Variants in MMD2 observed in about 807,000 individuals in gnomAD.
MMD2 encodes the protein monocyte to macrophage differentiation associated 2.
A neutral mutation model predicts 33.5 loss-of-function variants in MMD2; 30 were observed. That is an observed-to-expected ratio of 0.90 (90% CI 0.67 to 1.22). The LOEUF (loss-of-function observed/expected upper bound fraction) is 1.22. Ranked by LOEUF, MMD2 falls within the 50% of genes most tolerant of loss-of-function variation. MMD2 has a pLI of 0.00. For missense variants in MMD2, 364 were observed against 325.4 expected, an observed-to-expected ratio of 1.12 and a Z score of -0.91; for synonymous variants, 129 against 123.0, an observed-to-expected ratio of 1.05 and a Z score of -0.32.
chr7:4,904,581 T>C (rs1297206389), downstream of MMD2, among the ~76,000 whole-genome samples: 1 of 152,192 alleles, frequency 6.6e-6, no homozygotes, highest in East Asian at 1.9e-4. Flanking sequence ...TGAAATCATG[T>C]GATCTTTAGG....
At chr7:4,930,271 C>CAAAA (rs770469673) in intron 1 of MMD2, among the ~76,000 whole-genome samples, 4 of 47,170 alleles carry the variant, frequency 8.5e-5, no homozygotes, top group African/African-American at 3.3e-4. Context: ...GACTCCATCT[C>CAAAA]AAAAAAAAAA....
chr7:4,913,031 T>A (rs948047088), intron 4 of MMD2, among the ~76,000 whole-genome samples: 10 of 152,148 alleles, frequency 6.6e-5, no homozygotes, highest in Non-Finnish European at 1.2e-4. Flanking sequence ...TGAGAATGTG[T>A]TATGTAAAAC....
the MMD2 span, among the ~76,000 whole-genome samples, chr7:4,898,161 A>G: frequency 6.6e-6 from 1 of 152,192 alleles, no homozygotes; most frequent in Non-Finnish European, 1.5e-5. Flanking sequence ...GGGCCATCAC[A>G]AAGACAAGAG....
At chr7:4,945,249 T>TTCTTCTTCTTCTTCTTC (rs1491219177) in intron 1 of MMD2, among the ~76,000 whole-genome samples, 4 of 144,198 alleles carry the variant, frequency 2.8e-5, no homozygotes, top group Non-Finnish European at 4.6e-5. Flanking sequence ...CCTCTCTCTC[T>TTCTTCTTCTTCTTCTTC]TTCTTTCCCT....
chr7:4,930,774 G>A (rs951328635), intron 1 of MMD2, among the ~76,000 whole-genome samples: 11 of 152,164 alleles, frequency 7.2e-5, no homozygotes, highest in Admixed American at 2.6e-4. Context: ...TTTGTAAGCC[G>A]CTGCTGTGTC....
intron 2 of MMD2, among the ~76,000 whole-genome samples, chr7:4,921,080 G>C (rs2115104682): frequency 6.6e-6 from 1 of 152,282 alleles, no homozygotes; most frequent in East Asian, 1.9e-4. Flanking sequence ...TGCAGGTCTA[G>C]ATCTTTGATT....
intron 1 of MMD2, among the ~76,000 whole-genome samples, chr7:4,944,481 C>T (rs2115146766): frequency 6.6e-6 from 1 of 152,252 alleles, no homozygotes; most frequent in South Asian, 2.1e-4. Context: ...GGAGCAGGCT[C>T]CGGAGTGGCC....
chr7:4,905,902 A>C (rs2115080141), downstream of MMD2: 1 of 152,980 alleles, frequency 6.5e-6, no homozygotes, highest in South Asian at 2.1e-4. The surrounding 1 kb of genome is among the most constrained non-coding windows in gnomAD (Gnocchi z 5.0). Flanking sequence ...ATATACACAC[A>C]CACACACGCA....
chr7:4,906,303 T>A lies in MMD2; in HGVS notation c.*1093A>T. 2.5e-6 allele frequency: 1 copy of A among 393,452 alleles called. No individual in the cohort carries two copies. The allele number at this position is 393,452 out of a possible 1,614,324, so 24.4% of individuals were successfully genotyped here. ...GCTGAAGAACAGGCCCCCAGCAGCC[T>A]TGTTGTTGGGCTACTGAGCACTTCA... On this transcript the variant is annotated 3_prime_UTR_variant, in exon 7 of 7. Coordinates refer to ENST00000401401, the MANE Select transcript of MMD2 (RefSeq NM_198403.4).
In MMD2 at chr7:4,946,859, C is replaced by T. The variant is rs1786100032; in HGVS notation, c.47+12112G>A. On this transcript the variant is annotated intron_variant, in intron 1 of 6. Transcript: ENST00000401401. This position sits in a 1 kb window ranked among gnomAD's most constrained non-coding sequence, Gnocchi z 5.0. ...GGATCCTCCCCAGTAGCTGGGACTA[C>T]AGGCTTGTGCCACACTACTAGAAAG... Among the ~76,000 whole-genome samples, 2 of 152,130 alleles carry T rather than the reference C, an allele frequency of 1.3e-5. No individual in the cohort carries two copies. Among genetic ancestry groups the T allele is most frequent in the South Asian group, 4.1e-4 (2 of 4,828 alleles).
intron 1 of MMD2, among the ~76,000 whole-genome samples, chr7:4,937,998 C>CTTTTTTTT (rs1785791916): frequency 1.3e-4 from 8 of 62,714 alleles, no homozygotes; most frequent in African/African-American, 2.9e-4. Flanking sequence ...TTTTTTCTTT[C>CTTTTTTTT]TTTCTTTTTT....
In MMD2 at chr7:4,907,460, T is replaced by C. The variant is rs1433678402; in HGVS notation, c.677A>G (p.His226Arg). 1 of 1,613,878 alleles carries C rather than the reference T, an allele frequency of 6.2e-7. No individual in the cohort carries two copies. The highest frequency in any genetic ancestry group is 1.3e-5 in the African/African-American group (1 of 74,942). Reference sequence around the variant, plus strand: ...GAGGTACCTCCAGATGGCATAGTAGTGGGTACCAGCACCAAATGCTACAAA... The same window carrying C: ...GAGGTACCTCCAGATGGCATAGTAGCGGGTACCAGCACCAAATGCTACAAA... Reference protein sequence around the residue: ...HLFVAFGAGTHYYAIWRYLYL... With the variant: ...HLFVAFGAGTRYYAIWRYLYL... Residue 226 changes from histidine to arginine, a missense_variant, in exon 7 of 7, where the codon CAC becomes CGC. Physicochemically the swap from His to Arg is conservative, Grantham distance 29. Coordinates refer to ENST00000401401, the MANE Select transcript of MMD2 (RefSeq NM_198403.4).
chr7:4,918,479 CTTTCTTTT>C (rs981025594), intron 3 of MMD2, among the ~76,000 whole-genome samples: 7 of 132,868 alleles, frequency 5.3e-5, no homozygotes, highest in African/African-American at 2.3e-4. Flanking sequence ...TCTTTTCTTT[CTTTCTTTT>C]TTTTTTTTTT....
chr7:4,954,773 C>T (rs564783488), intron 1 of MMD2, among the ~76,000 whole-genome samples: 1 of 152,078 alleles, frequency 6.6e-6, no homozygotes, highest in Non-Finnish European at 1.5e-5. Context: ...ATGATTTGTA[C>T]TTTATGTGCC....
the MMD2 span, among the ~76,000 whole-genome samples, chr7:4,892,661 G>T: frequency 6.6e-6 from 1 of 151,780 alleles, no homozygotes; most frequent in Non-Finnish European, 1.5e-5. Context: ...AGCAGGACAG[G>T]TAGAACATAC....
chr7:4,907,412 G>A lies in MMD2; in HGVS notation c.725C>T (p.Thr242Ile). Residue 242 changes from threonine to isoleucine, a missense_variant, in exon 7 of 7, where the codon ACC becomes ATC. Physicochemically the swap from Thr to Ile is moderately conservative, Grantham distance 89. Transcript: ENST00000401401. ...RYLYLPSTLQTKVSK is the reference protein window; with the variant it reads ...RYLYLPSTLQIKVSK ...TGGGTCACCTCATTTGGACACCTTGGTCTGCAGGGTGCTGGGCAGATAGAG... is the reference window on the plus strand; with the variant it reads ...TGGGTCACCTCATTTGGACACCTTGATCTGCAGGGTGCTGGGCAGATAGAG... 6.2e-7 allele frequency: 1 copy of A among 1,613,828 alleles called. No homozygotes were observed. The highest frequency in any genetic ancestry group is 8.5e-7 in the Non-Finnish European group (1 of 1,179,898).
intron 4 of MMD2, among the ~76,000 whole-genome samples, chr7:4,912,280 C>T (rs112365216): frequency 2.6e-5 from 4 of 151,744 alleles, no homozygotes; most frequent in Non-Finnish European, 4.4e-5. Flanking sequence ...AACTGTTGGC[C>T]GGGCGCGGTG....
At chr7:4,895,147 G>C in the MMD2 span, among the ~76,000 whole-genome samples, 1 of 149,508 alleles carries the variant, frequency 6.7e-6, no homozygotes, top group African/African-American at 2.5e-5. Flanking sequence ...GCCCAATCTC[G>C]GCTCACTGCA....
rs1785892200 is a variant in MMD2, at chr7:4,940,987, C to G, written c.48-15455G>C. On this transcript the variant is annotated intron_variant, in intron 1 of 6. Transcript: ENST00000401401. The surrounding 1 kb of genome is among the most constrained non-coding windows in gnomAD (Gnocchi z 5.0). ...AGGGTCCGTATCTCCAAAGCTAGGA[C>G]CATCTCCCAGCCTCAGGAGGCTCCC... Among the ~76,000 whole-genome samples, 4 of 152,150 alleles carry G rather than the reference C, an allele frequency of 2.6e-5. No homozygotes were observed. Among genetic ancestry groups the G allele is most frequent in the Admixed American group, 2.6e-4 (4 of 15,264 alleles).
Sources: allele counts gnomAD v4.1 joint callset (sites outside exome capture counted in the v4.1 genomes callset), GRCh38; gene constraint gnomAD v4.1.1; non-coding constraint Gnocchi (gnomAD v3.1); transcripts MANE v1.5; gene names NCBI Gene and HGNC (gene_info 2026-07-23, HGNC 2026-07-21).